PRICKLE1: variants seen among roughly 807,000 people sequenced by gnomAD.
The protein encoded by PRICKLE1 is prickle planar cell polarity protein 1, also known as prickle-like protein 1.
In PRICKLE1, 14 loss-of-function variants were observed where a neutral mutation model predicts 70.2. That is an observed-to-expected ratio of 0.20 (90% CI 0.13 to 0.31). The LOEUF (loss-of-function observed/expected upper bound fraction) is 0.31, where lower values mean the gene tolerates loss of function less well. Ranked by LOEUF, PRICKLE1 falls within the 10% of genes least tolerant of loss-of-function variation. The probability of loss-of-function intolerance (pLI) is 1.00; values close to 1 mark genes in which losing one functional copy is unlikely to be tolerated. For missense variants in PRICKLE1, 821 were observed against 1,026.2 expected (o/e 0.80, Z 2.73); for synonymous variants, 357 against 379.9 (o/e 0.94, Z 0.70).
chr12:42,529,527 T>A (rs1443597379), intron 1 of PRICKLE1, among the ~76,000 whole-genome samples: 1 of 152,204 alleles, frequency 6.6e-6, no homozygotes, highest in African/African-American at 2.4e-5. Flanking sequence ...AGGATAGAAA[T>A]GTGATTCTTA....
chr12:42,540,990 GT>G (rs544038566), intron 1 of PRICKLE1, among the ~76,000 whole-genome samples: 4 of 150,698 alleles, frequency 2.7e-5, no homozygotes, highest in African/African-American at 4.9e-5. Context: ...GAGGTATTTG[GT>G]TTTTTTTTCA....
rs398044331 is a variant in PRICKLE1, at chr12:42,476,092, CAAA to C, written c.-48-3531_-48-3529del. Among the ~76,000 whole-genome samples, 10 of 101,716 alleles carry C rather than the reference CAAA, an allele frequency of 9.8e-5. No homozygotes were observed. In the East Asian group the frequency reaches 2.0e-3, roughly 20 times the overall value. The allele number at this position is 101,716 out of a possible 152,430, so 66.7% of individuals were successfully genotyped here. A position where few individuals can be genotyped will look rare whatever the true frequency, so the allele number is the denominator to read the frequency against. ...GGGTGACAAGAGCAAAACTCCGTCT[CAAA>C]AAAAAAAAAAAAAAAAGTTATATGG... On this transcript the variant is annotated intron_variant, in intron 1 of 7. Coordinates refer to ENST00000345127, the MANE Select transcript of PRICKLE1 (RefSeq NM_153026.3).
rs76746840 is a variant in PRICKLE1 at position 42,540,381 on chromosome 12, C to T, written c.-49+49084G>A. Among the ~76,000 whole-genome samples, 807 of 152,280 alleles carry T rather than the reference C, an allele frequency of 5.3e-3. 14 individuals carry two copies. The highest frequency in any genetic ancestry group is 0.047 in the South Asian group (225 of 4,824). ...TTAGGAAAATTATCTCTTTAAGACT[C>T]AGTTTCTTCATTGGTGAAATGGGAA... On this transcript the variant is annotated intron_variant, in intron 1 of 7. Transcript: ENST00000345127.
chr12:42,499,651 C>T (rs1436710588), intron 1 of PRICKLE1, among the ~76,000 whole-genome samples: 1 of 151,938 alleles, frequency 6.6e-6, no homozygotes, highest in Non-Finnish European at 1.5e-5. Flanking sequence ...GAACTCCTGA[C>T]CTCAGGTGAT....
chr12:42,469,343 G>A, intron 4 of PRICKLE1, 107 bp downstream of exon 4: 2 of 1,318,684 alleles, frequency 1.5e-6, no homozygotes, highest in East Asian at 2.3e-5. Flanking sequence ...CTCATTTTCT[G>A]GAGGCTTTCA....
At chr12:42,498,608 C>T (rs1371554153) in intron 1 of PRICKLE1, among the ~76,000 whole-genome samples, 2 of 152,200 alleles carry the variant, frequency 1.3e-5, no homozygotes, top group South Asian at 2.1e-4. Context: ...TAGGATGAAA[C>T]CTTGTCTCTA....
At chr12:42,484,788 A>G (rs1327754564) in intron 1 of PRICKLE1, among the ~76,000 whole-genome samples, 1 of 152,216 alleles carries the variant, frequency 6.6e-6, no homozygotes. Context: ...AAGGGTCAAG[A>G]GAAGCAAAAC....
At chr12:42,469,874 G>A (rs1014022866) in intron 3 of PRICKLE1, 1 of 514,900 alleles carries the variant, frequency 1.9e-6, no homozygotes, top group African/African-American at 1.9e-5. Flanking sequence ...TTCCACAAAA[G>A]GTTTAAACTT....
chr12:42,539,267 A>G (rs1940066748), intron 1 of PRICKLE1, among the ~76,000 whole-genome samples: 1 of 152,054 alleles, frequency 6.6e-6, no homozygotes, highest in African/African-American at 2.4e-5. Flanking sequence ...GGAGATCGAG[A>G]CCATCCTGGC....
At chr12:42,514,832 T>C (rs923853225) in intron 1 of PRICKLE1, among the ~76,000 whole-genome samples, 13 of 152,158 alleles carry the variant, frequency 8.5e-5, no homozygotes, top group Non-Finnish European at 1.6e-4. Flanking sequence ...AGTATTTATC[T>C]CCATTTCTCT....
At chr12:42,541,163 G>A (rs980479784) in intron 1 of PRICKLE1, among the ~76,000 whole-genome samples, 4 of 151,998 alleles carry the variant, frequency 2.6e-5, no homozygotes, top group African/African-American at 4.8e-5. Context: ...TTTAGGCATC[G>A]GTTGCTGAAA....
At chr12:42,506,698 G>T (rs1230307304) in intron 1 of PRICKLE1, among the ~76,000 whole-genome samples, 1 of 146,178 alleles carries the variant, frequency 6.8e-6, no homozygotes, top group Non-Finnish European at 1.5e-5. Flanking sequence ...CCTCAGCCCT[G>T]AGCAGCTGGG....
chr12:42,535,899 G>C (rs1236817015), intron 1 of PRICKLE1, among the ~76,000 whole-genome samples: 1 of 152,202 alleles, frequency 6.6e-6, no homozygotes, highest in East Asian at 1.9e-4. Flanking sequence ...CTAGGTGTAG[G>C]AATATGATAA....
At position 42,459,846 on chromosome 12, in the gene PRICKLE1, T is replaced by C. The variant is rs1798772229; in HGVS notation, c.2459A>G (p.Lys820Arg). ...ACAATTTTTGCCCTTGTGTCCCTTT[T>C]TCTTCTTGGATTTTGTTGTCCTCTG... Reference protein sequence around the residue: ...FGQRTTKSKKKKGHKGKNCII... With the variant: ...FGQRTTKSKKRKGHKGKNCII... The change falls in exon 8 of 8, where the codon AAA becomes AGA. Residue 820 changes from lysine (K) to arginine (R), a missense_variant. Physicochemically the swap from Lys to Arg is conservative, Grantham distance 26. Transcript: ENST00000345127. The C allele has an allele frequency of 2.5e-6, 4 of 1,614,234 alleles. No homozygotes were observed. Among genetic ancestry groups the C allele is most frequent in the Non-Finnish European group, 3.4e-6 (4 of 1,180,046 alleles).
At chr12:42,494,626 G>GTGAA in intron 1 of PRICKLE1, among the ~76,000 whole-genome samples, 1 of 152,080 alleles carries the variant, frequency 6.6e-6, no homozygotes, top group South Asian at 2.1e-4. Context: ...GGCTAACACG[G>GTGAA]TGAAACCCTG....
intron 1 of PRICKLE1, among the ~76,000 whole-genome samples, chr12:42,587,459 C>T (rs1464878016): frequency 6.6e-6 from 1 of 152,156 alleles, no homozygotes; most frequent in Non-Finnish European, 1.5e-5. Context: ...GTGTGCAAAC[C>T]CTTAACTGTG....
At chr12:42,561,858 AG>A (rs1419492867) in intron 1 of PRICKLE1, among the ~76,000 whole-genome samples, 2 of 152,004 alleles carry the variant, frequency 1.3e-5, no homozygotes, top group African/African-American at 2.4e-5. Context: ...GCTACTCCAA[AG>A]AAAATAAGCG....
intron 1 of PRICKLE1, among the ~76,000 whole-genome samples, chr12:42,491,643 C>A (rs1333417318): frequency 6.6e-6 from 1 of 152,004 alleles, no homozygotes; most frequent in African/African-American, 2.4e-5. Context: ...GGAATGTAAT[C>A]CATGTGGAAG....
intron 6 of PRICKLE1, chr12:42,465,566 G>T (rs950251863): frequency 5.3e-6 from 2 of 376,152 alleles, no homozygotes; most frequent in Non-Finnish European, 9.6e-6. Context: ...TTTTGTTTCA[G>T]CTCTCATACT....
Sources: gnomAD v4.1 joint callset for allele counts (sites outside exome capture counted in the v4.1 genomes callset) on GRCh38, gnomAD v4.1.1 for gene constraint, MANE v1.5 for transcripts, NCBI Gene and HGNC (gene_info 2026-07-23, HGNC 2026-07-21) for gene names.